The following SHISA9 variants were observed in gnomAD, a reference collection of about 807,000 sequenced individuals.
SHISA9 encodes the protein protein shisa-9.
In SHISA9, 13 loss-of-function variants were observed where a neutral mutation model predicts 38.0. That is an observed-to-expected ratio of 0.34 (90% confidence interval 0.22 to 0.54). SHISA9 has a LOEUF of 0.54. Among genes scored for constraint, SHISA9 ranks in the 20% least tolerant of loss-of-function variants. SHISA9 has a pLI of 0.91. For synonymous variants in SHISA9, 275 were observed against 242.0 expected, an observed-to-expected ratio of 1.14 and a Z score of -1.27; for missense variants, 538 against 575.8, an observed-to-expected ratio of 0.93 and a Z score of 0.67.
the SHISA9 span, chr16:13,246,227 TC>T: frequency 2.6e-5 from 4 of 152,138 alleles, no homozygotes; most frequent in African/African-American, 9.7e-5. Context: ...GGGGTGGTTT[TC>T]CCCATACTGT....
At chr16:13,043,049 C>A (rs1001817110) in intron 2 of SHISA9, among the ~76,000 whole-genome samples, 9 of 152,130 alleles carry the variant, frequency 5.9e-5, no homozygotes, top group Non-Finnish European at 1.2e-4. Context: ...ATTCGGGGTG[C>A]CTGGACAGCA....
the SHISA9 span, among the ~76,000 whole-genome samples, chr16:13,394,968 T>TGTGTGG: frequency 7.3e-5 from 11 of 149,752 alleles, no homozygotes; most frequent in African/African-American, 2.7e-4. Flanking sequence ...TGTGTGTGTG[T>TGTGTGG]GGCTGTTTGT....
the SHISA9 span, among the ~76,000 whole-genome samples, chr16:13,255,787 G>T: frequency 6.6e-6 from 1 of 152,182 alleles, no homozygotes; most frequent in Non-Finnish European, 1.5e-5. Flanking sequence ...TGAAAGAAAA[G>T]ACTTAAGAAG....
At chr16:13,551,028 CA>C in the SHISA9 span, among the ~76,000 whole-genome samples, 389 of 151,472 alleles carry the variant, frequency 2.6e-3, 1 homozygote, top group Non-Finnish European at 3.6e-3. Flanking sequence ...GAGGCTGAGG[CA>C]AGGAGAATCG....
At chr16:12,933,695 A>C (rs2071490577) in intron 2 of SHISA9, among the ~76,000 whole-genome samples, 1 of 152,226 alleles carries the variant, frequency 6.6e-6, no homozygotes, top group Admixed American at 6.5e-5. Context: ...TCTGCTGTTG[A>C]AAATGGGGCA....
intron 2 of SHISA9, among the ~76,000 whole-genome samples, chr16:13,161,239 G>C (rs191813793): frequency 1.3e-3 from 199 of 152,226 alleles, no homozygotes; most frequent in African/African-American, 4.5e-3. Flanking sequence ...AGAGTCAAAA[G>C]GCGTGGTGAG....
At chr16:13,040,140 A>G (rs1399529352) in intron 2 of SHISA9, among the ~76,000 whole-genome samples, 2 of 152,140 alleles carry the variant, frequency 1.3e-5, no homozygotes, top group Non-Finnish European at 2.9e-5. Context: ...TTGTCATTTA[A>G]AACCAAATCA....
At chr16:13,273,559 C>T in the SHISA9 span, among the ~76,000 whole-genome samples, 3 of 152,136 alleles carry the variant, frequency 2.0e-5, no homozygotes, top group African/African-American at 7.2e-5. Context: ...ATTTTGAGGC[C>T]TCCCCAGTCA....
chr16:13,423,098 C>G, the SHISA9 span, among the ~76,000 whole-genome samples: 1 of 152,174 alleles, frequency 6.6e-6, no homozygotes, highest in Non-Finnish European at 1.5e-5. Context: ...GGAGCTTGAT[C>G]AGCTTTAAGT....
At chr16:13,378,026 C>A in the SHISA9 span, among the ~76,000 whole-genome samples, 2 of 129,964 alleles carry the variant, frequency 1.5e-5, no homozygotes, top group Non-Finnish European at 3.6e-5. Context: ...GAGCAAGACT[C>A]CATCTAAACA....
chr16:13,519,791 G>C, the SHISA9 span, among the ~76,000 whole-genome samples: 1 of 152,094 alleles, frequency 6.6e-6, no homozygotes, highest in African/African-American at 2.4e-5. Context: ...GAAACCATCA[G>C]ATTTTGTGAG....
chr16:13,475,789 A>G, the SHISA9 span, among the ~76,000 whole-genome samples: 1 of 152,190 alleles, frequency 6.6e-6, no homozygotes, highest in Non-Finnish European at 1.5e-5. Context: ...ACAGTCCCAT[A>G]TGGTCACGAT....
the SHISA9 span, among the ~76,000 whole-genome samples, chr16:13,433,067 TAAAAA>T: frequency 7.0e-6 from 1 of 142,642 alleles, no homozygotes; most frequent in Admixed American, 6.9e-5. Flanking sequence ...GAACTTAAAA[TAAAAA>T]TTTTAAAAAA....
At chr16:13,055,324 C>A (rs1486004603) in intron 2 of SHISA9, among the ~76,000 whole-genome samples, 2 of 152,184 alleles carry the variant, frequency 1.3e-5, no homozygotes, top group Non-Finnish European at 2.9e-5. Context: ...GTGCCCATAA[C>A]CACAGTGCTG....
chr16:13,224,387 T>C (rs1237267238), intron 4 of SHISA9, among the ~76,000 whole-genome samples: 1 of 152,186 alleles, frequency 6.6e-6, no homozygotes, highest in Non-Finnish European at 1.5e-5. Context: ...GCACTTAACC[T>C]GAGCTCCAGC....
At chr16:13,240,777 A>T (rs2051429287), downstream of SHISA9, among the ~76,000 whole-genome samples, 1 of 152,202 alleles carries the variant, frequency 6.6e-6, no homozygotes, top group South Asian at 2.1e-4. Flanking sequence ...AGACACAAAT[A>T]TTGAAAGGAT....
chr16:13,541,480 G>A, the SHISA9 span, among the ~76,000 whole-genome samples: 21 of 152,144 alleles, frequency 1.4e-4, no homozygotes, highest in Admixed American at 9.2e-4. Flanking sequence ...AACCATTTAC[G>A]AAGCATTTGG....
chr16:13,490,561 T>C, the SHISA9 span, among the ~76,000 whole-genome samples: 1 of 152,188 alleles, frequency 6.6e-6, no homozygotes, highest in African/African-American at 2.4e-5. Context: ...CAAGAGCCTG[T>C]CTCAAACATA....
At chr16:12,977,282 G>A (rs908499938) in intron 2 of SHISA9, among the ~76,000 whole-genome samples, 1 of 152,170 alleles carries the variant, frequency 6.6e-6, no homozygotes, top group Non-Finnish European at 1.5e-5. Flanking sequence ...TCATGATAGG[G>A]GGAAGAAGTG....
Sources: gnomAD v4.1 joint callset for allele counts (sites outside exome capture counted in the v4.1 genomes callset) on GRCh38, gnomAD v4.1.1 for gene constraint, MANE v1.5 for transcripts, NCBI Gene and HGNC (gene_info 2026-07-23, HGNC 2026-07-21) for gene names.